Variants in CLCA4 observed in about 807,000 individuals in gnomAD.
CLCA4 encodes calcium-activated chloride channel regulator 4.
In CLCA4, 69 loss-of-function variants were observed where a neutral mutation model predicts 78.9. The ratio of observed to expected loss-of-function variants is 0.87; its 90% confidence interval spans 0.72 to 1.07. The LOEUF (loss-of-function observed/expected upper bound fraction) is 1.07, where lower values mean the gene tolerates loss of function less well. Among genes scored for constraint, CLCA4 ranks in the 50% least tolerant of loss-of-function variants. The probability of loss-of-function intolerance (pLI) is 0.00; values close to 1 mark genes in which losing one functional copy is unlikely to be tolerated. For missense variants in CLCA4, 1,133 were observed against 1,095.8 expected, an observed-to-expected ratio of 1.03 and a Z score of -0.48; for synonymous variants, 362 against 375.8, an observed-to-expected ratio of 0.96 and a Z score of 0.42.
intron 6 of CLCA4, among the ~76,000 whole-genome samples, chr1:86,567,134 C>T (rs1295901117): frequency 6.6e-6 from 1 of 151,876 alleles, no homozygotes. Context: ...TGTCTCCTCA[C>T]CCCAATTTCA....
In CLCA4 at chr1:86,574,611, G is replaced by A. The variant is rs1650453235; in HGVS notation, c.1539G>A (p.Val513=). ...ACACTGTCATAATTGATAGTACAGT[G>A]GGAAAGGACACGTTCTTTCTCATCA... ...MNDTVIIDST[V]GKDTFFLITW... is the part of the protein sequence containing the mutation. Residue 513 remains valine, a synonymous_variant, in exon 10 of 14, where the codon GTG becomes GTA. Transcript: ENST00000370563. 1 of 1,613,256 alleles carries A rather than the reference G, an allele frequency of 6.2e-7. No individual in the cohort carries two copies. The highest frequency in any genetic ancestry group is 8.5e-7 in the Non-Finnish European group (1 of 1,179,456).
At chr1:86,558,392 G>A (rs992943599) in intron 1 of CLCA4, among the ~76,000 whole-genome samples, 1 of 152,130 alleles carries the variant, frequency 6.6e-6, no homozygotes, top group Non-Finnish European at 1.5e-5. Context: ...TTGTCAGGCA[G>A]GTCTGGTGGT....
At chr1:86,559,675 A>G (rs940808616) in intron 1 of CLCA4, among the ~76,000 whole-genome samples, 17 of 152,228 alleles carry the variant, frequency 1.1e-4, no homozygotes, top group Non-Finnish European at 1.5e-4. Context: ...CTATTAATCA[A>G]TTCCTCTTAA....
intron 12 of CLCA4, among the ~76,000 whole-genome samples, chr1:86,578,497 T>A (rs1045214944): frequency 6.6e-6 from 1 of 152,004 alleles, no homozygotes; most frequent in Admixed American, 6.6e-5. Flanking sequence ...ATTGTTACCC[T>A]CTTTGTGTCC....
In CLCA4 at chr1:86,563,783, A is replaced by C; in HGVS notation, c.557+14A>C. ...CGAAGCAACAAGGCATGGCTATTTA[A>C]ATTTTCTAAACTGACTTCAGGCTTT... is the stretch of plus-strand genomic sequence containing the variant. On this transcript the variant is annotated intron_variant, in intron 4 of 13. Coordinates refer to ENST00000370563, the MANE Select transcript of CLCA4 (RefSeq NM_012128.4). The C allele has an allele frequency of 6.9e-7, 1 of 1,445,058 alleles. No homozygotes were observed. Among genetic ancestry groups the C allele is most frequent in the East Asian group, 2.3e-5 (1 of 43,364 alleles). The allele number at this position is 1,445,058 out of a possible 1,614,324, so 89.5% of individuals were successfully genotyped here. A position where few individuals can be genotyped will look rare whatever the true frequency, so the allele number is the denominator to read the frequency against.
At position 86,567,446 on chromosome 1, in the gene CLCA4, T is replaced by C. The variant is rs1648149337; in HGVS notation, c.977T>C (p.Met326Thr). 6.2e-7 allele frequency: 1 copy of C among 1,612,556 alleles called. No individual in the cohort carries two copies. Among genetic ancestry groups the C allele is most frequent in the East Asian group, 2.2e-5 (1 of 44,848 alleles). ...SMGGKDRLNRMNQAAKHFLLQ... is the reference protein window; with the variant it reads ...SMGGKDRLNRTNQAAKHFLLQ... ...TAGGGTAAGGACCGCCTAAATCGAA[T>C]GAATCAAGCAGCAAAACATTTCCTG... Residue 326 changes from methionine to threonine, a missense_variant, in exon 7 of 14, where the codon ATG becomes ACG. Coordinates refer to ENST00000370563, the MANE Select transcript of CLCA4 (RefSeq NM_012128.4).
In CLCA4 at chr1:86,575,520, T is replaced by A. The variant is rs370598731; in HGVS notation, c.1872T>A (p.Val624=). 7 of 1,613,360 alleles carry A rather than the reference T, an allele frequency of 4.3e-6. No individual in the cohort carries two copies. Among genetic ancestry groups the A allele is most frequent in the African/African-American group, 4.0e-5 (3 of 74,872 alleles). ...YAEILQGYVP[V]LGANVTAFIE... The stretch of plus-strand genomic sequence containing the variant: ...AAATTCTACAAGGATATGTACCTGT[T>A]CTTGGAGCCAATGTGACTGCTTTCA... The change falls in exon 11 of 14, where the codon GTT becomes GTA. Residue 624 remains valine (V), a synonymous_variant. Transcript: ENST00000370563.
chr1:86,550,600 A>G (rs1445086189), intron 1 of CLCA4, among the ~76,000 whole-genome samples: 1 of 147,544 alleles, frequency 6.8e-6, no homozygotes, highest in South Asian at 2.2e-4. Context: ...TAGGGGTCCG[A>G]AAAAAAAAAT....
intron 1 of CLCA4, among the ~76,000 whole-genome samples, chr1:86,556,551 G>GAT (rs1649851057): frequency 6.6e-6 from 1 of 152,142 alleles, no homozygotes; most frequent in Admixed American, 6.5e-5. Context: ...GATCATGGTG[G>GAT]ATTTGCTTTT....
At chr1:86,568,167 T>C (rs1650254616) in intron 7 of CLCA4, among the ~76,000 whole-genome samples, 1 of 151,854 alleles carries the variant, frequency 6.6e-6, no homozygotes, top group South Asian at 2.1e-4. Context: ...CAGAGTACTG[T>C]ATGTGCTACT....
chr1:86,567,431 A>G lies in CLCA4; in HGVS notation c.962A>G (p.Asp321Gly). ...CTTGTCTTTTTAATCTAGGGTAAGG[A>G]CCGCCTAAATCGAATGAATCAAGCA... ...LDKSGSMGGK[D>G]RLNRMNQAAK... Residue 321 changes from aspartate (D) to glycine (G), a missense_variant, in exon 7 of 14, where the codon GAC becomes GGC. Asp to Gly is a moderately conservative substitution (Grantham distance 94). Coordinates refer to ENST00000370563, the MANE Select transcript of CLCA4 (RefSeq NM_012128.4). The G allele has an allele frequency of 6.2e-7, 1 of 1,610,620 alleles. No individual in the cohort carries two copies. Among genetic ancestry groups the G allele is most frequent in the African/African-American group, 1.3e-5 (1 of 74,892 alleles).
chr1:86,572,842 T>G (rs2231598), intron 9 of CLCA4, 122 bp downstream of exon 9: 3 of 697,338 alleles, frequency 4.3e-6, no homozygotes, highest in Non-Finnish European at 7.8e-6. Context: ...AAATCTAAAC[T>G]TTAATCTTAA....
intron 1 of CLCA4, among the ~76,000 whole-genome samples, chr1:86,550,617 T>C (rs371376166): frequency 4.0e-5 from 6 of 151,800 alleles, no homozygotes; most frequent in African/African-American, 1.5e-4. Flanking sequence ...AAATGATTTT[T>C]CTAAGATCAT....
At chr1:86,563,494 A>G (rs193267918) in intron 3 of CLCA4, among the ~76,000 whole-genome samples, 167 bp from the exon 4 acceptor site, 1 of 152,246 alleles carries the variant, frequency 6.6e-6, no homozygotes, top group East Asian at 1.9e-4. Flanking sequence ...GCATAATATA[A>G]TGTAATTTAA....
At chr1:86,570,748 T>A (rs917626621) in intron 7 of CLCA4, among the ~76,000 whole-genome samples, 1 of 152,060 alleles carries the variant, frequency 6.6e-6, no homozygotes, top group Non-Finnish European at 1.5e-5. Flanking sequence ...CTAATTAATG[T>A]CACATACTGT....
At chr1:86,553,038 C>A in intron 1 of CLCA4, 1 of 636,814 alleles carries the variant, frequency 1.6e-6, no homozygotes, top group Non-Finnish European at 2.8e-6. Flanking sequence ...GCTCCCACGC[C>A]GCGCGGCACA....
chr1:86,560,319 C>T lies in CLCA4; in HGVS notation c.409C>T (p.Leu137Phe), dbSNP rs55712824. Residue 137 changes from leucine to phenylalanine, a missense_variant, in exon 3 of 14, where the codon CTT becomes TTT. Coordinates refer to ENST00000370563, the MANE Select transcript of CLCA4 (RefSeq NM_012128.4). ...KGEYIHFTPD[L>F]LLGKKQNEYG... ...CGAATACATTCACTTCACCCCTGAC[C>T]TTCTACTTGGAAAAAAACAAAATGA... The T allele has an allele frequency of 1.0e-3, 1,683 of 1,613,950 alleles. 15 individuals carry two copies. In the Middle Eastern group the frequency reaches 0.032, roughly 31 times the overall value.
chr1:86,555,961 G>T (rs1432341901), intron 1 of CLCA4, among the ~76,000 whole-genome samples: 1 of 152,008 alleles, frequency 6.6e-6, no homozygotes, highest in African/African-American at 2.4e-5. Context: ...TCTTTTTGTG[G>T]CAATTGTGAA....
intron 13 of CLCA4, 115 bp from the exon 14 acceptor site, chr1:86,579,827 G>A: frequency 1.2e-6 from 1 of 800,420 alleles, no homozygotes; most frequent in Non-Finnish European, 1.9e-6. Context: ...ATTAAAAAAT[G>A]AGTAAGGCTT....
Sources: allele counts gnomAD v4.1 joint callset (sites outside exome capture counted in the v4.1 genomes callset), GRCh38; gene constraint gnomAD v4.1.1; transcripts MANE v1.5; gene names NCBI Gene and HGNC (gene_info 2026-07-23, HGNC 2026-07-21).